USH2A: variants seen among roughly 807,000 people sequenced by gnomAD.
USH2A encodes the protein usherin.
A neutral mutation model predicts 538.9 loss-of-function variants in USH2A; 443 were observed. The observed-to-expected ratio is 0.82, with a 90% CI of 0.76 to 0.89. The LOEUF (loss-of-function observed/expected upper bound fraction) is 0.89. USH2A is among the 40% of genes least tolerant of loss of function. USH2A has a pLI of 0.00. For synonymous variants in USH2A, 2,413 were observed against 2,273.5 expected (o/e 1.06, Z -1.75); for missense variants, 6,633 against 6,324.8 (o/e 1.05, Z -1.65).
intron 32 of USH2A, among the ~76,000 whole-genome samples, chr1:216,019,803 G>A (rs75932474): frequency 0.015 from 2,212 of 152,222 alleles, 41 homozygotes; most frequent in African/African-American, 0.048. Flanking sequence ...AGAAGACAGC[G>A]GGTAGGATGA....
chr1:216,116,430 G>A (rs1302273388), intron 21 of USH2A, among the ~76,000 whole-genome samples: 1 of 152,064 alleles, frequency 6.6e-6, no homozygotes, highest in Non-Finnish European at 1.5e-5. Flanking sequence ...ACCTTGGAAT[G>A]ATTTCAATGG....
chr1:215,861,683 C>T (rs1485159083), intron 44 of USH2A, among the ~76,000 whole-genome samples: 1 of 152,160 alleles, frequency 6.6e-6, no homozygotes, highest in Non-Finnish European at 1.5e-5. Flanking sequence ...GATTGTCTTT[C>T]ACTTTCTATT....
chr1:215,778,700 A>G (rs564137380), intron 55 of USH2A, among the ~76,000 whole-genome samples: 4 of 152,304 alleles, frequency 2.6e-5, no homozygotes, highest in Middle Eastern at 3.4e-3. Context: ...TCCACTCAGG[A>G]AGTCTTGGAA....
rs763708135 is a variant in USH2A, at chr1:215,845,843, A to G, written c.9036T>C (p.His3012=). 3.1e-5 allele frequency: 50 copies of G among 1,613,716 alleles called. No individual in the cohort carries two copies. The highest frequency in any genetic ancestry group is 3.4e-5 in the Non-Finnish European group (40 of 1,179,876). The change falls in exon 45 of 72, where the codon CAT becomes CAC. Residue 3012 remains histidine, a synonymous_variant. Transcript: ENST00000307340. The part of the protein sequence containing the change: ...GVHSINSAGL[H]ATTCDGEPQG... ...ACTCACCCCCATCGCAAGTGGTTGCATGAAGTCCTGCACTGTTGATGCTGT... is the reference window on the plus strand; with the variant it reads ...ACTCACCCCCATCGCAAGTGGTTGCGTGAAGTCCTGCACTGTTGATGCTGT...
chr1:216,403,885 C>A (rs1012445136), intron 3 of USH2A, among the ~76,000 whole-genome samples: 49 of 152,186 alleles, frequency 3.2e-4, no homozygotes, highest in African/African-American at 1.2e-3. Flanking sequence ...TGAGTTCTCA[C>A]GAGATCTGAT....
At chr1:216,023,413 C>G (rs1176994897) in intron 32 of USH2A, among the ~76,000 whole-genome samples, 1 of 125,574 alleles carries the variant, frequency 8.0e-6, no homozygotes, top group Non-Finnish European at 1.6e-5. Flanking sequence ...TATGTAACCC[C>G]CAAACACCTT....
At chr1:215,653,535 GCTGA>G (rs1305899747) in intron 64 of USH2A, among the ~76,000 whole-genome samples, 5 of 152,296 alleles carry the variant, frequency 3.3e-5, no homozygotes, top group African/African-American at 9.6e-5. Context: ...TGAAGAGAAA[GCTGA>G]CTGAGATAAT....
chr1:215,823,186 GT>G lies in USH2A; in HGVS notation c.9372-5992del, dbSNP rs138463127. Among the ~76,000 whole-genome samples, 88 of 152,148 alleles carry G rather than the reference GT, an allele frequency of 5.8e-4. 1 individual carries two copies. The East Asian group carries it at 0.017, about 29-fold the overall frequency. Reference sequence around the variant, plus strand: ...GTGCATTAGTTTTTTATGTCTTGCAGTTTGAAGAACTCTCTTTAGTATTTCT... The same window carrying G: ...GTGCATTAGTTTTTTATGTCTTGCAGTTGAAGAACTCTCTTTAGTATTTCT... On this transcript the variant is annotated intron_variant, in intron 47 of 71. Transcript: ENST00000307340.
chr1:216,370,105 T>A (rs1333118769), intron 3 of USH2A, among the ~76,000 whole-genome samples: 1 of 152,070 alleles, frequency 6.6e-6, no homozygotes, highest in East Asian at 1.9e-4. Context: ...GTGCCTGTAA[T>A]CCCAGCACTT....
At position 216,198,509 on chromosome 1, in the gene USH2A, A is replaced by G. The variant is rs552551256; in HGVS notation, c.3887T>C (p.Val1296Ala). 8.1e-6 allele frequency: 13 copies of G among 1,613,352 alleles called. No homozygotes were observed. In the East Asian group the frequency reaches 2.9e-4, roughly 36 times the overall value. ...ACTGAGCCAACCACTGCTCTGAAAA[A>G]CTCGACTTTCCTCAGATGTGGTTTC... ...TKETTSEESR[V>A]FQSSGWLSPH... The change falls in exon 18 of 72, where the codon GTT (valine) becomes GCT (alanine). Residue 1296 changes from valine to alanine, a missense_variant. Coordinates refer to ENST00000307340, the MANE Select transcript of USH2A (RefSeq NM_206933.4).
At chr1:215,732,642 C>T (rs796321928) in intron 60 of USH2A, among the ~76,000 whole-genome samples, 48 of 140,588 alleles carry the variant, frequency 3.4e-4, no homozygotes, top group African/African-American at 1.2e-3. Context: ...CCCAGGTTCA[C>T]GCCATTCTCC....
chr1:216,117,003 A>G (rs1311245539), intron 21 of USH2A, among the ~76,000 whole-genome samples: 1 of 152,134 alleles, frequency 6.6e-6, no homozygotes, highest in African/African-American at 2.4e-5. Flanking sequence ...GATTTAGCAT[A>G]ACTATGAAAA....
At chr1:216,058,147 GACACAGCAAAA>G (rs2031047104) in intron 30 of USH2A, among the ~76,000 whole-genome samples, 1 of 127,230 alleles carries the variant, frequency 7.9e-6, no homozygotes, top group Admixed American at 7.4e-5. Context: ...CCATAAGGAT[GACACAGCAAAA>G]AGATGAAGTG....
At chr1:215,774,691 A>G (rs1412591796) in intron 55 of USH2A, among the ~76,000 whole-genome samples, 1 of 152,068 alleles carries the variant, frequency 6.6e-6, no homozygotes, top group Admixed American at 6.6e-5. Flanking sequence ...ACGTGAGACA[A>G]TGAGGACATT....
intron 12 of USH2A, among the ~76,000 whole-genome samples, chr1:216,248,525 A>C (rs753075772): frequency 2.0e-5 from 3 of 152,008 alleles, no homozygotes; most frequent in Non-Finnish European, 4.4e-5. Flanking sequence ...CCTAAACTGG[A>C]AGGAAATACA....
At chr1:215,728,978 T>C (rs1659913621) in intron 60 of USH2A, among the ~76,000 whole-genome samples, 2 of 152,178 alleles carry the variant, frequency 1.3e-5, no homozygotes, top group African/African-American at 4.8e-5. Flanking sequence ...CCTTCTATGA[T>C]AAATGGATTG....
chr1:216,270,618 A>G (rs571287175), intron 11 of USH2A, among the ~76,000 whole-genome samples: 41 of 152,218 alleles, frequency 2.7e-4, no homozygotes, highest in African/African-American at 9.9e-4. Context: ...GCCATCACTA[A>G]CCAGCTATTG....
chr1:216,029,611 G>T (rs924047143), intron 32 of USH2A, among the ~76,000 whole-genome samples: 2 of 151,908 alleles, frequency 1.3e-5, no homozygotes, highest in African/African-American at 4.8e-5. Flanking sequence ...TTTAAGCAAG[G>T]TAACTGAAAC....
chr1:215,937,321 C>G (rs770884626), intron 37 of USH2A, among the ~76,000 whole-genome samples: 5 of 152,020 alleles, frequency 3.3e-5, no homozygotes, highest in Non-Finnish European at 4.4e-5. Context: ...TACAAAGCAG[C>G]CTTTGATAAT....
Sources: allele counts gnomAD v4.1 joint callset (sites outside exome capture counted in the v4.1 genomes callset), GRCh38; gene constraint gnomAD v4.1.1; transcripts MANE v1.5; gene names NCBI Gene and HGNC (gene_info 2026-07-23, HGNC 2026-07-21).